Variants in PAK1 observed in about 807,000 individuals in gnomAD.
PAK1 encodes serine/threonine-protein kinase PAK 1.
A neutral mutation model predicts 67.4 loss-of-function variants in PAK1; 29 were observed. The observed-to-expected ratio is 0.43, with a 90% confidence interval of 0.32 to 0.59. The LOEUF is 0.59. Ranked by LOEUF, PAK1 falls within the 20% of genes least tolerant of loss-of-function variation. PAK1 has a pLI of 0.07. For missense variants in PAK1, 337 were observed against 670.7 expected (o/e 0.50, Z 5.50); for synonymous variants, 223 against 237.4 (o/e 0.94, Z 0.56).
rs1957990925 is a variant in PAK1 at position 77,473,779 on chromosome 11, G to A, written c.-249C>T. 6.6e-6 allele frequency: 1 copy of A among 151,490 alleles called. No individual in the cohort carries two copies. The highest frequency in any genetic ancestry group is 1.5e-5 in the Non-Finnish European group (1 of 67,882). 9.4% of individuals were successfully genotyped at this position (151,490 alleles called of 1,614,324 possible). On this transcript the variant is annotated 5_prime_UTR_variant, in exon 1 of 15. Coordinates refer to ENST00000356341, the MANE Select transcript of PAK1 (RefSeq NM_002576.5). ...CGAGGCGACGCGGGCGGGGGGGGAA[G>A]GGGGGACTGAGGGGCGAGGTGCGAA...
intron 10 of PAK1, 42 bp from the exon 11 acceptor site, chr11:77,340,805 T>A: frequency 9.5e-7 from 1 of 1,048,658 alleles, no homozygotes; most frequent in Non-Finnish European, 1.5e-6. Context: ...ACAATCAGAG[T>A]ACACTGAGCC....
chr11:77,448,957 A>T (rs1223491605), intron 1 of PAK1, among the ~76,000 whole-genome samples: 1 of 152,260 alleles, frequency 6.6e-6, no homozygotes, highest in African/African-American at 2.4e-5. Context: ...CAGATTTAAG[A>T]AGGTGGATAG....
At chr11:77,489,219 A>G in the PAK1 span, among the ~76,000 whole-genome samples, 41 of 152,342 alleles carry the variant, frequency 2.7e-4, no homozygotes, top group Non-Finnish European at 5.3e-4. Flanking sequence ...ATATCCTTCA[A>G]ATAATGAAGC....
chr11:77,387,319 C>T (rs1023288274), intron 2 of PAK1, among the ~76,000 whole-genome samples: 1 of 152,174 alleles, frequency 6.6e-6, no homozygotes, highest in Non-Finnish European at 1.5e-5. Flanking sequence ...GTGATCCGCC[C>T]GCCTCGGCCT....
chr11:77,484,214 T>G, the PAK1 span, among the ~76,000 whole-genome samples: 2 of 139,758 alleles, frequency 1.4e-5, no homozygotes, highest in South Asian at 2.2e-4. Context: ...AAAAAAGTTA[T>G]CCATAAAAAA....
chr11:77,323,035 T>C lies in PAK1; in HGVS notation c.*239A>G. 1.4e-6 allele frequency: 1 copy of C among 739,078 alleles called. No individual in the cohort carries two copies. Among genetic ancestry groups the C allele is most frequent in the East Asian group, 2.7e-5 (1 of 37,366 alleles). 45.8% of individuals were successfully genotyped at this position (739,078 alleles called of 1,614,324 possible). A position where few individuals can be genotyped will look rare whatever the true frequency, so the allele number is the denominator to read the frequency against. The stretch of plus-strand genomic sequence containing the variant: ...AACCCTTAATCATAAACCACCCTCA[T>C]ATCCATGAATTGGGAGGAAATTCCT... On this transcript the variant is annotated 3_prime_UTR_variant, in exon 15 of 15. Coordinates refer to ENST00000356341, the MANE Select transcript of PAK1 (RefSeq NM_002576.5).
rs946350323 is a variant in PAK1 at position 77,409,577 on chromosome 11, T to C, written c.-21-17036A>G. ...ATATATATTTGTGTATATATGTATA[T>C]ATACACACAACGGAATATTATTCAG... On this transcript the variant is annotated intron_variant, in intron 1 of 14. Transcript: ENST00000356341. 5.3e-5 allele frequency among the ~76,000 whole-genome samples: 8 copies of C among 152,084 alleles called. No homozygotes were observed. The East Asian group carries it at 1.5e-3, about 29-fold the overall frequency.
the PAK1 span, among the ~76,000 whole-genome samples, chr11:77,490,028 C>G: frequency 1.3e-5 from 2 of 151,142 alleles, no homozygotes; most frequent in African/African-American, 4.9e-5. Context: ...GGCCGCCATC[C>G]CATCTAGGAA....
rs1420875982 is a variant in PAK1 at position 77,397,178 on chromosome 11, AACAG to A, written c.-21-4641_-21-4638del. 2.6e-5 allele frequency: 4 copies of A among 152,266 alleles called. No individual in the cohort carries two copies. The East Asian group carries it at 7.7e-4, about 29-fold the overall frequency. The allele number at this position is 152,266 out of a possible 1,614,324, so 9.4% of individuals were successfully genotyped here. On this transcript the variant is annotated intron_variant, in intron 1 of 14. Transcript: ENST00000356341. The stretch of plus-strand genomic sequence containing the variant: ...TCCATCCTGGACAACAAATGAATAC[AACAG>A]ACAGAGAGAAAGACAGAGCGATCAC...
intron 1 of PAK1, among the ~76,000 whole-genome samples, chr11:77,455,252 CTCAACACCTAT>C (rs1420054847): frequency 6.6e-6 from 1 of 151,904 alleles, no homozygotes; most frequent in Non-Finnish European, 1.5e-5. Context: ...CACTGCTTTG[CTCAACACCTAT>C]TCCAACTCCT....
rs1189885658 is a variant in PAK1 at position 77,353,604 on chromosome 11, G to A, written c.773-5C>T. 2 of 1,598,988 alleles carry A rather than the reference G, an allele frequency of 1.3e-6. No individual in the cohort carries two copies. Among genetic ancestry groups the A allele is most frequent in the African/African-American group, 2.7e-5 (2 of 74,532 alleles). ...CGCCCACACTCACTATGCTTCCTTT[G>A]AAAGAAACAGAGACCATGAATCATT... On this transcript the variant is annotated splice_polypyrimidine_tract_variant and splice_region_variant and intron_variant, in intron 7 of 14. Transcript: ENST00000356341.
chr11:77,519,481 G>A, the PAK1 span, among the ~76,000 whole-genome samples: 8 of 152,196 alleles, frequency 5.3e-5, no homozygotes, highest in Non-Finnish European at 7.3e-5. Flanking sequence ...CATCTCAAGA[G>A]GTACATACTG....
At position 77,458,267 on chromosome 11, in the gene PAK1, T is replaced by C. The variant is rs1459206767; in HGVS notation, c.-22+15285A>G. ...CTTGTTATATTGCCCACAAAGTTAA[T>C]TCTTAGAACAAAGAACATCCGTCAC... On this transcript the variant is annotated intron_variant, in intron 1 of 14. Transcript: ENST00000356341. 2.0e-5 allele frequency among the ~76,000 whole-genome samples: 3 copies of C among 152,236 alleles called. No individual in the cohort carries two copies. In the East Asian group the frequency reaches 5.8e-4, roughly 29 times the overall value.
At chr11:77,505,717 T>C in the PAK1 span, among the ~76,000 whole-genome samples, 10 of 152,362 alleles carry the variant, frequency 6.6e-5, no homozygotes, top group Middle Eastern at 3.4e-3. Flanking sequence ...ATTTCATCCA[T>C]GTCATAGGTG....
intron 1 of PAK1, among the ~76,000 whole-genome samples, chr11:77,411,008 A>C (rs1440179601): frequency 6.6e-6 from 1 of 152,032 alleles, no homozygotes; most frequent in Non-Finnish European, 1.5e-5. Context: ...TCATTAACAT[A>C]CCTTGACCTT....
chr11:77,423,324 A>G (rs1338486085), intron 1 of PAK1, among the ~76,000 whole-genome samples: 1 of 146,024 alleles, frequency 6.8e-6, no homozygotes, highest in Non-Finnish European at 1.5e-5. Flanking sequence ...CACTCTTTCC[A>G]AGTTCTTTAA....
intron 1 of PAK1, among the ~76,000 whole-genome samples, chr11:77,443,596 G>T (rs1194435673): frequency 6.6e-6 from 1 of 152,116 alleles, no homozygotes; most frequent in Non-Finnish European, 1.5e-5. Context: ...TTTACATACA[G>T]GAAAACTGAA....
chr11:77,381,000 A>C (rs1254119227), intron 2 of PAK1, among the ~76,000 whole-genome samples: 1 of 152,170 alleles, frequency 6.6e-6, no homozygotes, highest in East Asian at 1.9e-4. Context: ...CTGGGAGCTC[A>C]ACACACTAAC....
At chr11:77,354,637 G>GT (rs1350204646) in intron 7 of PAK1, among the ~76,000 whole-genome samples, 1 of 152,172 alleles carries the variant, frequency 6.6e-6, no homozygotes, top group Non-Finnish European at 1.5e-5. Flanking sequence ...AGATGACTAG[G>GT]TAAGTGGCTT....
Sources: gnomAD v4.1 joint callset for allele counts (sites outside exome capture counted in the v4.1 genomes callset) on GRCh38, gnomAD v4.1.1 for gene constraint, MANE v1.5 for transcripts, NCBI Gene and HGNC (gene_info 2026-07-23, HGNC 2026-07-21) for gene names.